Variants in ZNF704 observed in about 807,000 individuals in gnomAD.
ZNF704 encodes the protein glucocorticoid induced gene 1.
A neutral mutation model predicts 44.7 loss-of-function variants in ZNF704; 10 were observed. The ratio of observed to expected loss-of-function variants is 0.22; its 90% confidence interval spans 0.14 to 0.38. ZNF704 has a LOEUF of 0.38. Ranked by LOEUF, ZNF704 falls within the 10% of genes least tolerant of loss-of-function variation. The pLI is 1.00. For missense variants in ZNF704, 390 were observed against 545.5 expected (o/e 0.71, Z 2.84); for synonymous variants, 211 against 207.6 (o/e 1.02, Z -0.14).
intron 1 of ZNF704, among the ~76,000 whole-genome samples, chr8:80,822,991 C>G (rs1055760025): frequency 6.6e-6 from 1 of 152,146 alleles, no homozygotes; most frequent in Non-Finnish European, 1.5e-5. Flanking sequence ...AATATAGGAA[C>G]AGCTCCAGTC....
rs149459591 is a variant in ZNF704, at chr8:80,851,540, C to G, written c.-22+23031G>C. On this transcript the variant is annotated intron_variant, in intron 1 of 8. Coordinates refer to ENST00000327835, the MANE Select transcript of ZNF704 (RefSeq NM_001033723.3). Reference sequence around the variant, plus strand: ...ATTGAACAATGAGAACACATGGACACAGGAAGGGGAACATCACACGCTGGG... The same window carrying G: ...ATTGAACAATGAGAACACATGGACAGAGGAAGGGGAACATCACACGCTGGG... Among the ~76,000 whole-genome samples the G allele has an allele frequency of 8.8e-3, 1,165 of 132,400 alleles. 15 individuals carry two copies. Among genetic ancestry groups the G allele is most frequent in the African/African-American group, 0.032 (1,080 of 34,244 alleles). The allele number at this position is 132,400 out of a possible 152,430, so 86.9% of individuals were successfully genotyped here.
intron 2 of ZNF704, among the ~76,000 whole-genome samples, chr8:80,781,438 T>C (rs918554629): frequency 1.3e-5 from 2 of 152,256 alleles, no homozygotes; most frequent in African/African-American, 4.8e-5. Context: ...GAATTTCATA[T>C]AATTTTCACG....
At chr8:80,837,470 G>C (rs1004674143) in intron 1 of ZNF704, among the ~76,000 whole-genome samples, 1 of 152,154 alleles carries the variant, frequency 6.6e-6, no homozygotes, top group Non-Finnish European at 1.5e-5. Context: ...TCAGAAGCAA[G>C]ACATGGTTAA....
At chr8:80,792,910 C>A (rs994588004) in intron 2 of ZNF704, among the ~76,000 whole-genome samples, 6 of 152,218 alleles carry the variant, frequency 3.9e-5, no homozygotes, top group African/African-American at 1.4e-4. Flanking sequence ...GAGGACCCAG[C>A]TAAGCCATGC....
chr8:80,633,380 TTTAGGGA>T lies in ZNF704; in HGVS notation c.*7979_*7985del, dbSNP rs1262839726. On this transcript the variant is annotated 3_prime_UTR_variant, in exon 9 of 9. Transcript: ENST00000327835. ...TAATTAACTACCAAATTGGCTGAAA[TTTAGGGA>T]TTAGGGATCTGCTACAGTAAAGGGA... The T allele has an allele frequency of 6.6e-6, 1 of 152,178 alleles. No homozygotes were observed. Among genetic ancestry groups the T allele is most frequent in the Admixed American group, 6.5e-5 (1 of 15,280 alleles). The allele number at this position is 152,178 out of a possible 1,614,324, so 9.4% of individuals were successfully genotyped here. A position where few individuals can be genotyped will look rare whatever the true frequency, so the allele number is the denominator to read the frequency against.
chr8:80,636,836 C>T lies in ZNF704; in HGVS notation c.*4530G>A, dbSNP rs998184868. The T allele has an allele frequency of 6.6e-6, 1 of 152,214 alleles. No homozygotes were observed. Among genetic ancestry groups the T allele is most frequent in the Non-Finnish European group, 1.5e-5 (1 of 68,026 alleles). 9.4% of individuals were successfully genotyped at this position (152,214 alleles called of 1,614,324 possible). A position where few individuals can be genotyped will look rare whatever the true frequency, so the allele number is the denominator to read the frequency against. ...TCTACAGGGTCATGAGAAAAAGCAG[C>T]ACCTTGTCCACAAAAGTCCATGGAA... On this transcript the variant is annotated 3_prime_UTR_variant, in exon 9 of 9. Transcript: ENST00000327835.
intron 2 of ZNF704, among the ~76,000 whole-genome samples, chr8:80,799,689 A>T (rs1807866857): frequency 6.6e-6 from 1 of 152,220 alleles, no homozygotes; most frequent in Non-Finnish European, 1.5e-5. Flanking sequence ...AAAGGTAGAG[A>T]CGCCCACAAT....
chr8:80,761,100 T>C (rs919913648), intron 2 of ZNF704, among the ~76,000 whole-genome samples: 23 of 152,082 alleles, frequency 1.5e-4, no homozygotes, highest in Admixed American at 1.2e-3. Context: ...AGTACCCTTA[T>C]ACAAGGGCTG....
chr8:80,755,979 C>G (rs1162315225), intron 2 of ZNF704, among the ~76,000 whole-genome samples: 1 of 151,872 alleles, frequency 6.6e-6, no homozygotes, highest in Admixed American at 6.6e-5. Flanking sequence ...TGTGCTGGTA[C>G]ACATCTGCAG....
At chr8:80,695,014 A>G (rs185664564) in intron 2 of ZNF704, among the ~76,000 whole-genome samples, 2 of 152,326 alleles carry the variant, frequency 1.3e-5, no homozygotes, top group East Asian at 3.9e-4. Context: ...AAAACTGTTC[A>G]TTCATTTGGC....
chr8:80,631,629 G>C lies in ZNF704; in HGVS notation c.*9737C>G, dbSNP rs1404906062. On this transcript the variant is annotated 3_prime_UTR_variant, in exon 9 of 9. Transcript: ENST00000327835. ...GCCTCGCACGTGGAGAGGACCGGTA[G>C]GGTTGGTGACTTGCACGGCGGGCTT... 1.3e-5 allele frequency: 2 copies of C among 152,254 alleles called. No homozygotes were observed. The highest frequency in any genetic ancestry group is 4.8e-5 in the African/African-American group (2 of 41,462). The allele number at this position is 152,254 out of a possible 1,614,324, so 9.4% of individuals were successfully genotyped here. A position where few individuals can be genotyped will look rare whatever the true frequency, so the allele number is the denominator to read the frequency against.
chr8:80,668,184 C>G (rs921227784), intron 5 of ZNF704, among the ~76,000 whole-genome samples: 3 of 152,220 alleles, frequency 2.0e-5, no homozygotes, highest in African/African-American at 7.2e-5. Flanking sequence ...CTTCTCTTCT[C>G]TAGAAACCTG....
Position 80,800,400 on chromosome 8 carries a change from A to T in ZNF704, c.221+20974T>A, listed in dbSNP as rs1807879394. 3.3e-5 allele frequency among the ~76,000 whole-genome samples: 5 copies of T among 152,142 alleles called. No homozygotes were observed. In the South Asian group the frequency reaches 1.0e-3, roughly 32 times the overall value. ...TTCAAAGGTCGAAATCAAAGAAAAA[A>T]TGTTAAGGACAGTCAGGCCAGGTCA... On this transcript the variant is annotated intron_variant, in intron 2 of 8. Coordinates refer to ENST00000327835, the MANE Select transcript of ZNF704 (RefSeq NM_001033723.3).
At chr8:80,729,886 A>AC (rs1043857662) in intron 2 of ZNF704, among the ~76,000 whole-genome samples, 4 of 151,840 alleles carry the variant, frequency 2.6e-5, no homozygotes, top group African/African-American at 9.7e-5. Flanking sequence ...TACTGCCGGA[A>AC]CCCCCCTGAG....
chr8:80,860,306 CTG>C (rs1809037662), intron 1 of ZNF704, among the ~76,000 whole-genome samples: 1 of 152,162 alleles, frequency 6.6e-6, no homozygotes, highest in African/African-American at 2.4e-5. Flanking sequence ...ACCGCTGTGT[CTG>C]TGTTGAAATG....
intron 1 of ZNF704, among the ~76,000 whole-genome samples, chr8:80,858,819 C>T (rs1286132253): frequency 6.6e-6 from 1 of 152,064 alleles, no homozygotes; most frequent in African/African-American, 2.4e-5. Flanking sequence ...CAAAGGATAT[C>T]CTCTACATGA....
rs1258075015 is a variant in ZNF704 at position 80,760,634 on chromosome 8, G to A, written c.221+60740C>T. ...TTGTGTCACTGTACTCCAGCCTGGTGACAGAGCGAGACTCCATCTCAAAAA... is the reference window on the plus strand; with the variant it reads ...TTGTGTCACTGTACTCCAGCCTGGTAACAGAGCGAGACTCCATCTCAAAAA... On this transcript the variant is annotated intron_variant, in intron 2 of 8. Coordinates refer to ENST00000327835, the MANE Select transcript of ZNF704 (RefSeq NM_001033723.3). 1.4e-4 allele frequency among the ~76,000 whole-genome samples: 18 copies of A among 126,326 alleles called. No individual in the cohort carries two copies. The Admixed American group carries it at 1.4e-3, about 10-fold the overall frequency. The allele number at this position is 126,326 out of a possible 152,430, so 82.9% of individuals were successfully genotyped here. A position where few individuals can be genotyped will look rare whatever the true frequency, so the allele number is the denominator to read the frequency against.
chr8:80,757,411 T>C (rs1457862596), intron 2 of ZNF704, among the ~76,000 whole-genome samples: 4 of 152,072 alleles, frequency 2.6e-5, no homozygotes, highest in Admixed American at 1.3e-4. Context: ...AGCTATATAA[T>C]GTATCTGTGT....
At chr8:80,643,685 T>C (rs1046518760) in intron 7 of ZNF704, among the ~76,000 whole-genome samples, 1 of 152,144 alleles carries the variant, frequency 6.6e-6, no homozygotes, top group Non-Finnish European at 1.5e-5. Context: ...TTTTACTTCA[T>C]ATCTATGCAT....
Sources: gnomAD v4.1 joint callset for allele counts (sites outside exome capture counted in the v4.1 genomes callset) on GRCh38, gnomAD v4.1.1 for gene constraint, MANE v1.5 for transcripts, NCBI Gene and HGNC (gene_info 2026-07-23, HGNC 2026-07-21) for gene names.